Variants in L3MBTL2 observed in about 807,000 individuals in gnomAD.
The protein encoded by L3MBTL2 is lethal(3)malignant brain tumor-like protein 2.
Under a neutral mutation model 86.4 loss-of-function variants are expected in L3MBTL2, and 49 were observed. The observed-to-expected ratio is 0.57, with a 90% CI of 0.45 to 0.72. L3MBTL2 has a LOEUF of 0.72. L3MBTL2 is among the 30% of genes least tolerant of loss of function. L3MBTL2 has a pLI of 0.00. For synonymous variants in L3MBTL2, 336 were observed against 350.6 expected, an observed-to-expected ratio of 0.96 and a Z score of 0.47; for missense variants, 755 against 923.7, an observed-to-expected ratio of 0.82 and a Z score of 2.37.
intron 8 of L3MBTL2, among the ~76,000 whole-genome samples, chr22:41,223,183 G>A (rs1030508433): frequency 2.6e-5 from 4 of 152,218 alleles, no homozygotes; most frequent in Non-Finnish European, 4.4e-5. Context: ...AGCTTTGCCT[G>A]TTGGCTGCTT....
At chr22:41,219,657 T>G in intron 6 of L3MBTL2, 121 bp downstream of exon 6, 1 of 667,622 alleles carries the variant, frequency 1.5e-6, no homozygotes, top group Non-Finnish European at 2.7e-6. Flanking sequence ...ACTGGAATTT[T>G]TGCCCCACTT....
At position 41,230,547 on chromosome 22, in the gene L3MBTL2, C is replaced by T; in HGVS notation, c.*296C>T. On this transcript the variant is annotated 3_prime_UTR_variant, in exon 17 of 17. Coordinates refer to ENST00000216237, the MANE Select transcript of L3MBTL2 (RefSeq NM_031488.5). ...AAAGCTGGAACGCTAGCTGCCTGCTCTTCCTTAAGATGGCCTCCCCCCGAC... is the reference window on the plus strand; with the variant it reads ...AAAGCTGGAACGCTAGCTGCCTGCTTTTCCTTAAGATGGCCTCCCCCCGAC... The T allele has an allele frequency of 2.4e-6, 1 of 413,504 alleles. No individual in the cohort carries two copies. The allele number at this position is 413,504 out of a possible 1,614,324, so 25.6% of individuals were successfully genotyped here.
Position 41,224,959 on chromosome 22 carries a change from C to T in L3MBTL2, c.1252-8C>T. The stretch of plus-strand genomic sequence containing the variant: ...CCAGGGAGTCCCCAGCTGTCCCATT[C>T]CTTTAAGGTACGAGCAGTCTACACA... On this transcript the variant is annotated splice_polypyrimidine_tract_variant and splice_region_variant and intron_variant, in intron 10 of 16. Coordinates refer to ENST00000216237, the MANE Select transcript of L3MBTL2 (RefSeq NM_031488.5). The surrounding 1 kb of genome is among the most constrained non-coding windows in gnomAD (Gnocchi z 4.9). 4 of 1,611,970 alleles carry T rather than the reference C, an allele frequency of 2.5e-6. No homozygotes were observed. Among genetic ancestry groups the T allele is most frequent in the African/African-American group, 1.3e-5 (1 of 74,924 alleles).
At chr22:41,212,819 C>T (rs1311896522) in intron 2 of L3MBTL2, among the ~76,000 whole-genome samples, 2 of 150,720 alleles carry the variant, frequency 1.3e-5, no homozygotes, top group African/African-American at 2.4e-5. Context: ...CCCTTGAACC[C>T]GGGAGTCGAA....
rs547174864 is a variant in L3MBTL2 at position 41,227,916 on chromosome 22, G to A, written c.1888+47G>A. 2.5e-6 allele frequency: 4 copies of A among 1,600,120 alleles called. No individual in the cohort carries two copies. Among genetic ancestry groups the A allele is most frequent in the South Asian group, 2.2e-5 (2 of 89,520 alleles). On this transcript the variant is annotated intron_variant, in intron 15 of 16. Coordinates refer to ENST00000216237, the MANE Select transcript of L3MBTL2 (RefSeq NM_031488.5). The surrounding 1 kb of genome is among the most constrained non-coding windows in gnomAD (Gnocchi z 6.0). ...CCAGGCTGGTGTGGGCCTGGGAGCA[G>A]TGGGCCTGCGTCCCTGGGAGCAGGC... is the stretch of plus-strand genomic sequence containing the variant.
rs535964187 is a variant in L3MBTL2 at position 41,219,837 on chromosome 22, G to A, written c.718+301G>A. Among the ~76,000 whole-genome samples the A allele has an allele frequency of 2.8e-4, 42 of 152,256 alleles. 1 individual carries two copies. Among genetic ancestry groups the A allele is most frequent in the African/African-American group, 9.1e-4 (38 of 41,554 alleles). On this transcript the variant is annotated intron_variant, in intron 6 of 16. Coordinates refer to ENST00000216237, the MANE Select transcript of L3MBTL2 (RefSeq NM_031488.5). Reference sequence around the variant, plus strand: ...GCTCACTGCAACCTCCACCTCCTGGGTTCAAGCGATTCTCCTGCCTCAGCC... The same window carrying A: ...GCTCACTGCAACCTCCACCTCCTGGATTCAAGCGATTCTCCTGCCTCAGCC...
At chr22:41,208,212 G>T in intron 1 of L3MBTL2, 1 of 365,786 alleles carries the variant, frequency 2.7e-6, no homozygotes, top group Admixed American at 3.4e-5. Context: ...GCTCACTACA[G>T]CCTTGACCTC....
intron 1 of L3MBTL2, 70 bp from the exon 2 acceptor site, chr22:41,209,623 TCTG>T: frequency 7.5e-7 from 1 of 1,328,830 alleles, no homozygotes; most frequent in Non-Finnish European, 1.1e-6. Flanking sequence ...TGATAGCAGA[TCTG>T]CAGCTTCTCC....
intron 8 of L3MBTL2, among the ~76,000 whole-genome samples, 178 bp from the exon 9 acceptor site, chr22:41,223,842 T>A (rs79135380): frequency 0.055 from 8,341 of 152,102 alleles, 731 homozygotes; most frequent in East Asian, 0.25. Flanking sequence ...CTCTGTGTCC[T>A]CCTAGGGAGT....
rs1380038775 is a variant in L3MBTL2, at chr22:41,228,143, G to A, written c.1888+274G>A. ...GGAAAAGAGGTAAGAGATTGAGGTTGGGGGATCCCATCCCTGATGCCCCAT... is the reference window on the plus strand; with the variant it reads ...GGAAAAGAGGTAAGAGATTGAGGTTAGGGGATCCCATCCCTGATGCCCCAT... On this transcript the variant is annotated intron_variant, in intron 15 of 16. Transcript: ENST00000216237. 3.0e-6 allele frequency: 3 copies of A among 985,346 alleles called. No individual in the cohort carries two copies. The African/African-American group carries it at 5.2e-5, about 17-fold the overall frequency. 61.0% of individuals were successfully genotyped at this position (985,346 alleles called of 1,614,324 possible).
At position 41,226,679 on chromosome 22, in the gene L3MBTL2, T is replaced by C. The variant is rs779320738; in HGVS notation, c.1522T>C (p.Phe508Leu). Residue 508 changes from phenylalanine (F) to leucine (L), a missense_variant, in exon 13 of 17, where the codon TTC becomes CTC. By Grantham distance (22) the Phe-to-Leu change is conservative (BLOSUM62 0). Coordinates refer to ENST00000216237, the MANE Select transcript of L3MBTL2 (RefSeq NM_031488.5). ...TPPKGYEAQT[F>L]NWENYLEKTK... is the part of the protein sequence containing the mutation. ...TCCTCCAGGTTATGAGGCACAGACTTTCAACTGGGAGAACTACTTGGAGAA... is the reference window on the plus strand; with the variant it reads ...TCCTCCAGGTTATGAGGCACAGACTCTCAACTGGGAGAACTACTTGGAGAA... 1 of 1,613,726 alleles carries C rather than the reference T, an allele frequency of 6.2e-7. No individual in the cohort carries two copies. The highest frequency in any genetic ancestry group is 8.5e-7 in the Non-Finnish European group (1 of 1,179,680).
Position 41,220,735 on chromosome 22 carries a change from G to A in L3MBTL2, c.720G>A (p.Gly240=). 1 of 1,611,606 alleles carries A rather than the reference G, an allele frequency of 6.2e-7. No homozygotes were observed. Among genetic ancestry groups the A allele is most frequent in the Non-Finnish European group, 8.5e-7 (1 of 1,178,724 alleles). The stretch of plus-strand genomic sequence containing the variant: ...AGGTGCCCTTTCCTTTCCTTTCAGG[G>A]TATCGGGTGCTGCTTCGGTATGAAG... ...YWIASVIQTA[G]YRVLLRYEGF... Residue 240 remains glycine, a splice_region_variant and synonymous_variant, in exon 7 of 17, where the codon GGG becomes GGA. Transcript: ENST00000216237.
intron 6 of L3MBTL2, among the ~76,000 whole-genome samples, chr22:41,219,905 G>T (rs113550021): frequency 6.6e-6 from 1 of 152,130 alleles, no homozygotes; most frequent in African/African-American, 2.4e-5. Context: ...CACCACACAC[G>T]GCTAATGTTT....
chr22:41,215,236 T>C (rs8139263), intron 3 of L3MBTL2, among the ~76,000 whole-genome samples: 63,552 of 151,946 alleles, frequency 0.42, 14,050 homozygotes, highest in African/African-American at 0.56. Flanking sequence ...AGATTTTACT[T>C]AAGGCACCGA....
At chr22:41,220,121 G>A (rs2031702215) in intron 6 of L3MBTL2, among the ~76,000 whole-genome samples, 2 of 152,204 alleles carry the variant, frequency 1.3e-5, no homozygotes, top group African/African-American at 2.4e-5. Context: ...GCAGAGGCAG[G>A]AGGATTGTTT....
intron 12 of L3MBTL2, among the ~76,000 whole-genome samples, chr22:41,226,183 A>C (rs1183844323): frequency 1.3e-5 from 2 of 152,188 alleles, no homozygotes; most frequent in Non-Finnish European, 1.5e-5. Flanking sequence ...AGTCTGAGGC[A>C]GGAGAATTGC....
At chr22:41,205,782 G>A (rs1409679202) in intron 1 of L3MBTL2, among the ~76,000 whole-genome samples, 1 of 152,040 alleles carries the variant, frequency 6.6e-6, no homozygotes, top group Non-Finnish European at 1.5e-5. Flanking sequence ...TAACGTTCAC[G>A]TGCATTATCT....
In L3MBTL2 at chr22:41,214,042, T is replaced by C. The variant is rs1423957778; in HGVS notation, c.396+16T>C. ...TAGGTTACAGGTGAGAGGCAATCAC[T>C]TGGATCCTTCCCGGTGCCTTTGGTG... On this transcript the variant is annotated intron_variant, in intron 3 of 16. Coordinates refer to ENST00000216237, the MANE Select transcript of L3MBTL2 (RefSeq NM_031488.5). 3.1e-6 allele frequency: 5 copies of C among 1,613,806 alleles called. No homozygotes were observed. Among genetic ancestry groups the C allele is most frequent in the Admixed American group, 1.7e-5 (1 of 60,006 alleles).
Position 41,221,212 on chromosome 22 carries a change from G to C in L3MBTL2, c.867G>C (p.Lys289Asn), listed in dbSNP as rs952707948. 8 of 1,550,390 alleles carry C rather than the reference G, an allele frequency of 5.2e-6. No individual in the cohort carries two copies. The African/African-American group carries it at 1.1e-4, about 21-fold the overall frequency. Residue 289 changes from lysine to asparagine, a missense_variant, in exon 8 of 17, where the codon AAG (lysine) becomes AAC (asparagine). By Grantham distance (94) the Lys-to-Asn change is moderately conservative. This residue lies in a region of L3MBTL2 where 634 missense variants were observed against 748.9 expected (regional missense o/e 0.85). Coordinates refer to ENST00000216237, the MANE Select transcript of L3MBTL2 (RefSeq NM_031488.5). The stretch of plus-strand genomic sequence containing the variant: ...GTGCCTCCACAGCCATCCATGCCAA[G>C]TTCACCGACTGGAAGGGCTACCTCA... ...ILVPPRTIHA[K>N]FTDWKGYLMK...
Sources: gnomAD v4.1 joint callset for allele counts (sites outside exome capture counted in the v4.1 genomes callset) on GRCh38, gnomAD v4.1.1 for gene constraint, gnomAD v4.1.1 regional missense constraint, Gnocchi (gnomAD v3.1) non-coding constraint, MANE v1.5 for transcripts, NCBI Gene and HGNC (gene_info 2026-07-23, HGNC 2026-07-21) for gene names.